The following DIP2B variants were observed in gnomAD, a reference collection of about 807,000 sequenced individuals.
DIP2B encodes the protein disco-interacting protein 2 homolog B.
DIP2B carries 76 observed loss-of-function variants against 198.0 expected under a neutral mutation model. The observed-to-expected ratio is 0.38, with a 90% CI of 0.32 to 0.46. The LOEUF (loss-of-function observed/expected upper bound fraction) is 0.46, where lower values mean the gene tolerates loss of function less well. Among genes scored for constraint, DIP2B ranks in the 20% least tolerant of loss-of-function variants. DIP2B has a pLI of 0.99. For missense variants in DIP2B, 1,559 were observed against 1,978.4 expected, an observed-to-expected ratio of 0.79 and a Z score of 4.02; for synonymous variants, 701 against 739.1, an observed-to-expected ratio of 0.95 and a Z score of 0.84.
intron 1 of DIP2B, among the ~76,000 whole-genome samples, chr12:50,547,399 C>T (rs991992758): frequency 1.3e-5 from 2 of 152,108 alleles, no homozygotes; most frequent in Non-Finnish European, 2.9e-5. Context: ...TGGCACCCAA[C>T]ATTATATGTC....
intron 5 of DIP2B, among the ~76,000 whole-genome samples, chr12:50,674,059 A>G (rs1007079716): frequency 1.2e-4 from 19 of 152,232 alleles, no homozygotes; most frequent in African/African-American, 4.6e-4. Context: ...TAGATAAACT[A>G]TAACAATCAA....
intron 12 of DIP2B, among the ~76,000 whole-genome samples, chr12:50,687,382 G>A (rs1312266266): frequency 6.6e-6 from 1 of 152,178 alleles, no homozygotes; most frequent in Non-Finnish European, 1.5e-5. Context: ...TCTAAAAGCT[G>A]TGGCCTTCAC....
At chr12:50,716,644 T>C (rs924726058) in intron 23 of DIP2B, among the ~76,000 whole-genome samples, 2 of 152,238 alleles carry the variant, frequency 1.3e-5, no homozygotes, top group Admixed American at 1.3e-4. Flanking sequence ...TTATATGATT[T>C]AAGTGATTTT....
intron 1 of DIP2B, among the ~76,000 whole-genome samples, chr12:50,550,355 G>A (rs1005127408): frequency 6.6e-6 from 1 of 151,904 alleles, no homozygotes; most frequent in African/African-American, 2.4e-5. Flanking sequence ...ATGAGGCTAG[G>A]ACATTCACAA....
At chr12:50,629,660 G>A (rs1938003815) in intron 2 of DIP2B, among the ~76,000 whole-genome samples, 2 of 151,960 alleles carry the variant, frequency 1.3e-5, no homozygotes, top group Admixed American at 6.6e-5. Context: ...TACCTTAAAG[G>A]CATCACCATT....
At chr12:50,556,105 G>A (rs1005663175) in intron 1 of DIP2B, among the ~76,000 whole-genome samples, 2 of 152,076 alleles carry the variant, frequency 1.3e-5, no homozygotes, top group Non-Finnish European at 2.9e-5. Flanking sequence ...CCAAGCTGGA[G>A]TGCAGTGGCG....
chr12:50,734,511 G>C (rs1377671363), intron 33 of DIP2B, among the ~76,000 whole-genome samples: 3 of 152,110 alleles, frequency 2.0e-5, no homozygotes, highest in African/African-American at 7.2e-5. Flanking sequence ...AAAAATAATA[G>C]GACAGATAAG....
intron 1 of DIP2B, among the ~76,000 whole-genome samples, chr12:50,536,743 T>C (rs1054624868): frequency 6.6e-6 from 1 of 151,942 alleles, no homozygotes; most frequent in Non-Finnish European, 1.5e-5. Flanking sequence ...AATTTTTGTA[T>C]TTTTTGGTAG....
In DIP2B at chr12:50,674,564, C is replaced by T. The variant is rs769310323; in HGVS notation, c.731C>T (p.Pro244Leu). The change falls in exon 6 of 38, where the codon CCC becomes CTC. Residue 244 changes from proline (P) to leucine (L), a missense_variant. Coordinates refer to ENST00000301180, the MANE Select transcript of DIP2B (RefSeq NM_173602.3). ...CGCCCAGCAAACATTGACCTGCCCC[C>T]CTCGGGGATAGTTAAAGGCATGCAC... is the stretch of plus-strand genomic sequence containing the variant. ...SIRPANIDLP[P>L]SGIVKGMHKG... The T allele has an allele frequency of 2.2e-5, 35 of 1,614,122 alleles. No homozygotes were observed. The highest frequency in any genetic ancestry group is 2.7e-5 in the Non-Finnish European group (32 of 1,180,060).
intron 21 of DIP2B, among the ~76,000 whole-genome samples, chr12:50,707,029 A>C (rs1939525712): frequency 6.6e-6 from 1 of 152,148 alleles, no homozygotes; most frequent in African/African-American, 2.4e-5. Flanking sequence ...TATAGATGCT[A>C]CTCTGTAGGC....
intron 3 of DIP2B, among the ~76,000 whole-genome samples, chr12:50,653,322 T>G (rs1237187566): frequency 7.1e-6 from 1 of 141,126 alleles, no homozygotes; most frequent in Admixed American, 7.2e-5. Flanking sequence ...ATAGTAGTCT[T>G]TCTTTCTTTT....
chr12:50,608,217 T>C (rs377103609), intron 1 of DIP2B, among the ~76,000 whole-genome samples: 1 of 152,250 alleles, frequency 6.6e-6, no homozygotes, highest in Non-Finnish European at 1.5e-5. Context: ...TGGGGAAGTC[T>C]TAGCATATCA....
At chr12:50,529,592 G>A (rs1176058236) in intron 1 of DIP2B, among the ~76,000 whole-genome samples, 4 of 152,196 alleles carry the variant, frequency 2.6e-5, no homozygotes, top group Non-Finnish European at 5.9e-5. Context: ...GCATGGCAGG[G>A]GTGGGTTGTG....
chr12:50,537,648 A>G (rs1958282793), intron 1 of DIP2B, among the ~76,000 whole-genome samples: 1 of 152,180 alleles, frequency 6.6e-6, no homozygotes, highest in South Asian at 2.1e-4. Context: ...CATCATCTTC[A>G]TGTGATTCAT....
chr12:50,694,112 A>G (rs1592131089), intron 14 of DIP2B, among the ~76,000 whole-genome samples: 1 of 152,204 alleles, frequency 6.6e-6, no homozygotes, highest in East Asian at 1.9e-4. Context: ...ATGCCCAGCT[A>G]GCCCCTTTGT....
chr12:50,662,419 A>G (rs1284684367), intron 4 of DIP2B, among the ~76,000 whole-genome samples: 2 of 152,228 alleles, frequency 1.3e-5, no homozygotes, highest in Admixed American at 1.3e-4. Context: ...CAACAATTAC[A>G]CACATGCCTA....
intron 1 of DIP2B, among the ~76,000 whole-genome samples, chr12:50,535,733 A>T (rs957558614): frequency 1.3e-5 from 2 of 151,472 alleles, no homozygotes; most frequent in Non-Finnish European, 2.9e-5. Context: ...GTTTTAGGGT[A>T]CATGTGCACA....
intron 10 of DIP2B, among the ~76,000 whole-genome samples, chr12:50,683,769 C>A (rs1380702718): frequency 6.6e-6 from 1 of 151,524 alleles, no homozygotes; most frequent in Non-Finnish European, 1.5e-5. Flanking sequence ...GGCGACAGAG[C>A]AAGACTCCGT....
intron 3 of DIP2B, among the ~76,000 whole-genome samples, chr12:50,653,962 C>T (rs2139504271): frequency 6.6e-6 from 1 of 152,248 alleles, no homozygotes; most frequent in South Asian, 2.1e-4. Context: ...CAACCTCCAC[C>T]TCCTGGGTTC....
Sources: allele counts gnomAD v4.1 joint callset (sites outside exome capture counted in the v4.1 genomes callset), GRCh38; gene constraint gnomAD v4.1.1; transcripts MANE v1.5; gene names NCBI Gene and HGNC (gene_info 2026-07-23, HGNC 2026-07-21).